ACVR1C: variants seen among roughly 807,000 people sequenced by gnomAD.
The protein encoded by ACVR1C is activin A receptor type 1C.
ACVR1C carries 23 observed loss-of-function variants against 57.9 expected under a neutral mutation model. That is an observed-to-expected ratio of 0.40 (90% CI 0.29 to 0.56). The LOEUF (loss-of-function observed/expected upper bound fraction) is 0.56. Among genes scored for constraint, ACVR1C ranks in the 20% least tolerant of loss-of-function variants. The pLI, the probability that ACVR1C is intolerant of heterozygous loss-of-function variation, is 0.50. For synonymous variants in ACVR1C, 214 were observed against 215.3 expected (o/e 0.99, Z 0.05); for missense variants, 480 against 607.9 (o/e 0.79, Z 2.21).
intron 4 of ACVR1C, 130 bp downstream of exon 4, chr2:157,550,032 A>AG: frequency 5.2e-6 from 4 of 769,934 alleles, no homozygotes; most frequent in Middle Eastern, 3.8e-4. Context: ...GAAAAGGAAA[A>AG]GGAAAAAAAA....
intron 1 of ACVR1C, among the ~76,000 whole-genome samples, chr2:157,616,340 T>C (rs9989871): frequency 0.05 from 7,645 of 152,228 alleles, 385 homozygotes; most frequent in African/African-American, 0.13. Flanking sequence ...CTGTGTCAGG[T>C]CAATTGATGA....
chr2:157,573,517 A>G lies in ACVR1C; in HGVS notation c.304+13670T>C, dbSNP rs1688573172. 3.3e-5 allele frequency among the ~76,000 whole-genome samples: 5 copies of G among 152,154 alleles called. No individual in the cohort carries two copies. In the South Asian group the frequency reaches 8.3e-4, roughly 25 times the overall value. ...CTGTATGTTTTGGTAGCAAAATGGG[A>G]ACAAAGATACCTGAAATTTGAAGGG... On this transcript the variant is annotated intron_variant, in intron 2 of 8. Coordinates refer to ENST00000243349, the MANE Select transcript of ACVR1C (RefSeq NM_145259.3).
chr2:157,607,000 C>T (rs774388885), intron 1 of ACVR1C, among the ~76,000 whole-genome samples: 3 of 151,608 alleles, frequency 2.0e-5, no homozygotes, highest in Non-Finnish European at 4.4e-5. Flanking sequence ...ACAGTGAGGA[C>T]TAGGGGTCCA....
At chr2:157,591,225 T>A (rs889618289) in intron 1 of ACVR1C, among the ~76,000 whole-genome samples, 3 of 152,004 alleles carry the variant, frequency 2.0e-5, no homozygotes, top group African/African-American at 7.2e-5. Context: ...CTCTCCTTTT[T>A]TTAATGACCC....
At chr2:157,574,970 A>G (rs1688607759) in intron 2 of ACVR1C, among the ~76,000 whole-genome samples, 1 of 151,890 alleles carries the variant, frequency 6.6e-6, no homozygotes, top group African/African-American at 2.4e-5. Flanking sequence ...TTTTTATTTA[A>G]TTTTTTTAAG....
In ACVR1C at chr2:157,587,522, G is replaced by T. The variant is rs534444947; in HGVS notation, c.74-105C>A. 9.1e-6 allele frequency: 8 copies of T among 882,728 alleles called. No homozygotes were observed. The African/African-American group carries it at 1.2e-4, about 13-fold the overall frequency. The allele number at this position is 882,728 out of a possible 1,614,324, so 54.7% of individuals were successfully genotyped here. A position where few individuals can be genotyped will look rare whatever the true frequency, so the allele number is the denominator to read the frequency against. ...TCAATCTTAATGAAAATGGAAAAAG[G>T]GTTTAAATAAAAACACTTGCTAAAC... On this transcript the variant is annotated intron_variant, in intron 1 of 8. Transcript: ENST00000243349.
chr2:157,614,300 G>T (rs939387539), intron 1 of ACVR1C, among the ~76,000 whole-genome samples: 1 of 152,104 alleles, frequency 6.6e-6, no homozygotes. Flanking sequence ...GTATGTAGAA[G>T]TTCATTGCTT....
chr2:157,540,194 T>A (rs1687590872), intron 7 of ACVR1C, among the ~76,000 whole-genome samples: 2 of 152,208 alleles, frequency 1.3e-5, no homozygotes, highest in South Asian at 4.1e-4. Flanking sequence ...AAATCAGACA[T>A]TCAAGGAATT....
chr2:157,544,696 G>T, intron 4 of ACVR1C, 84 bp from the exon 5 acceptor site: 1 of 1,211,182 alleles, frequency 8.3e-7, no homozygotes, highest in Non-Finnish European at 1.1e-6. Context: ...TGTTTAATCT[G>T]TATTGTTAAC....
At chr2:157,616,261 C>A (rs1682647812) in intron 1 of ACVR1C, among the ~76,000 whole-genome samples, 1 of 152,080 alleles carries the variant, frequency 6.6e-6, no homozygotes, top group East Asian at 1.9e-4. Flanking sequence ...TGGCTTTAAA[C>A]AAGTATAAGT....
In ACVR1C at chr2:157,628,605, G is replaced by T; in HGVS notation, c.40C>A (p.Leu14Met). The T allele has an allele frequency of 6.2e-7, 1 of 1,605,890 alleles. No homozygotes were observed. Among genetic ancestry groups the T allele is most frequent in the Non-Finnish European group, 8.5e-7 (1 of 1,176,932 alleles). ...AGCTCGGCGGCCGCTGCGAGCAGCA[G>T]GAGAGCCTGGCGGAGCGCTGAGCAG... ...ALCSALRQAL[L>M]LLAAAAELSP... The change falls in exon 1 of 9, where the codon CTG becomes ATG. Residue 14 changes from leucine (L) to methionine (M), a missense_variant. Coordinates refer to ENST00000243349, the MANE Select transcript of ACVR1C (RefSeq NM_145259.3).
intron 2 of ACVR1C, among the ~76,000 whole-genome samples, chr2:157,584,038 G>T (rs939822056): frequency 1.3e-5 from 2 of 150,434 alleles, no homozygotes; most frequent in Admixed American, 1.3e-4. Context: ...TCAACCTTGT[G>T]CTCTGTAAAA....
chr2:157,626,452 G>A (rs548368989), intron 1 of ACVR1C, among the ~76,000 whole-genome samples: 4 of 152,338 alleles, frequency 2.6e-5, no homozygotes, highest in Admixed American at 1.3e-4. Context: ...ATTTAAAGTC[G>A]TAGGCCTGCT....
intron 4 of ACVR1C, among the ~76,000 whole-genome samples, chr2:157,545,977 T>G (rs181956380): frequency 6.6e-6 from 1 of 152,270 alleles, no homozygotes; most frequent in East Asian, 1.9e-4. Context: ...AAACGGGGTT[T>G]CACCATGTTG....
At chr2:157,586,652 C>T (rs1232995731) in intron 2 of ACVR1C, among the ~76,000 whole-genome samples, 1 of 152,012 alleles carries the variant, frequency 6.6e-6, no homozygotes, top group Non-Finnish European at 1.5e-5. Flanking sequence ...TATATCTGAA[C>T]AATGATGAAG....
intron 1 of ACVR1C, among the ~76,000 whole-genome samples, chr2:157,604,797 G>A (rs1032919080): frequency 3.3e-5 from 5 of 151,788 alleles, no homozygotes; most frequent in Non-Finnish European, 5.9e-5. Flanking sequence ...GGATACAAGT[G>A]CTTTATAAGA....
At chr2:157,538,901 A>C (rs1428324446) in intron 7 of ACVR1C, among the ~76,000 whole-genome samples, 198 bp from the exon 8 acceptor site, 2 of 150,944 alleles carry the variant, frequency 1.3e-5, no homozygotes, top group Non-Finnish European at 3.0e-5. Flanking sequence ...ATAAAGTTAA[A>C]TTTTGTATTA....
intron 1 of ACVR1C, among the ~76,000 whole-genome samples, chr2:157,616,417 C>A (rs940586353): frequency 1.3e-5 from 2 of 152,156 alleles, no homozygotes; most frequent in Admixed American, 6.5e-5. Flanking sequence ...TTCTTACACT[C>A]TCTACCCTTC....
intron 1 of ACVR1C, among the ~76,000 whole-genome samples, chr2:157,590,827 A>G (rs981356813): frequency 6.6e-6 from 1 of 151,922 alleles, no homozygotes; most frequent in South Asian, 2.1e-4. Flanking sequence ...TCTTTCTAGT[A>G]TTCTCCAGTT....
Sources: allele counts gnomAD v4.1 joint callset (sites outside exome capture counted in the v4.1 genomes callset), GRCh38; gene constraint gnomAD v4.1.1; transcripts MANE v1.5; gene names NCBI Gene and HGNC (gene_info 2026-07-23, HGNC 2026-07-21).